The following NPIPB11 variants were observed in gnomAD, a reference collection of about 807,000 sequenced individuals.
The protein encoded by NPIPB11 is nuclear pore complex interacting protein family member B11, also known as nuclear pore complex-interacting protein family member B11.
A neutral mutation model predicts 32.8 loss-of-function variants in NPIPB11; 17 were observed. The ratio of observed to expected loss-of-function variants is 0.52; its 90% CI spans 0.35 to 0.78. NPIPB11 has a LOEUF of 0.78. NPIPB11 is among the 30% of genes least tolerant of loss of function. The pLI is 0.01. For synonymous variants in NPIPB11, 209 were observed against 398.4 expected (o/e 0.52, Z 5.66); for missense variants, 537 against 1,000.4 (o/e 0.54, Z 6.25).
chr16:29,397,434 C>T (rs1278633103), intron 2 of NPIPB11: 90 of 958,126 alleles, frequency 9.4e-5, no homozygotes, highest in Admixed American at 1.9e-4. Flanking sequence ...TAGTCTTCAA[C>T]GCCTGGACTC....
chr16:29,391,621 T>A (rs1263720123), intron 3 of NPIPB11, among the ~76,000 whole-genome samples: 3 of 152,030 alleles, frequency 2.0e-5, no homozygotes, highest in African/African-American at 7.3e-5. Flanking sequence ...ATGCTTTTAA[T>A]CTTCTAAGAC....
intron 2 of NPIPB11, among the ~76,000 whole-genome samples, chr16:29,401,828 G>T (rs911638234): frequency 6.6e-6 from 1 of 152,068 alleles, no homozygotes. Context: ...CAGGATGAGG[G>T]CATGTGGGGC....
intron 2 of NPIPB11, among the ~76,000 whole-genome samples, chr16:29,401,404 C>G (rs1421587371): frequency 6.6e-6 from 1 of 152,090 alleles, no homozygotes; most frequent in Admixed American, 6.6e-5. Flanking sequence ...CTGATTACAT[C>G]TGACCAAACT....
rs1469956787 is a variant in NPIPB11, at chr16:29,391,583, C to T, written c.250-1235G>A. Among the ~76,000 whole-genome samples the T allele has an allele frequency of 8.6e-5, 13 of 151,294 alleles. No individual in the cohort carries two copies. The Admixed American group carries it at 8.6e-4, about 10-fold the overall frequency. ...AAACATTCTCACTAATGACTGAATT[C>T]CCACCAAGATTTCCATATTATCACA... On this transcript the variant is annotated intron_variant, in intron 3 of 7. Transcript: ENST00000524087.
At chr16:29,399,134 CA>C (rs1963928616) in intron 2 of NPIPB11, among the ~76,000 whole-genome samples, 1 of 151,718 alleles carries the variant, frequency 6.6e-6, no homozygotes, top group African/African-American at 2.4e-5. Context: ...GGGCAGGACC[CA>C]GGGGTCTGGT....
intron 3 of NPIPB11, 87 bp downstream of exon 3, chr16:29,393,861 A>G: frequency 8.0e-7 from 1 of 1,246,538 alleles, no homozygotes; most frequent in Non-Finnish European, 1.1e-6. Context: ...CATATTCATA[A>G]TGAAGTCCAG....
At chr16:29,394,255 G>A (rs951981805) in intron 2 of NPIPB11, among the ~76,000 whole-genome samples, 179 bp from the exon 3 acceptor site, 38 of 152,046 alleles carry the variant, frequency 2.5e-4, no homozygotes, top group Non-Finnish European at 4.7e-4. Flanking sequence ...ATGTTTTTCA[G>A]ATGGCTGGTA....
rs552417852 is a variant in NPIPB11, at chr16:29,389,226, G to A, written c.545+715C>T. 1.8e-4 allele frequency among the ~76,000 whole-genome samples: 8 copies of A among 44,376 alleles called. No individual in the cohort carries two copies. The South Asian group carries it at 4.2e-3, about 23-fold the overall frequency. 29.1% of individuals were successfully genotyped at this position (44,376 alleles called of 152,430 possible). A position where few individuals can be genotyped will look rare whatever the true frequency, so the allele number is the denominator to read the frequency against. ...AAAAAAAAAAAAAAATTGGTCAAAT[G>A]TGGTGGCACACAGCTGTAATCCAAG... On this transcript the variant is annotated intron_variant, in intron 5 of 7. Coordinates refer to ENST00000524087, the Ensembl canonical transcript of NPIPB11.
chr16:29,390,261 G>A (rs572030893), exon 4 of NPIPB11: 106 of 1,587,584 alleles, frequency 6.7e-5, no homozygotes, highest in African/African-American at 6.5e-4. Flanking sequence ...TCCTGTCTAC[G>A]GCGGTTGGAC....
At chr16:29,382,345 G>A in exon 8 of NPIPB11, 1 of 571,714 alleles carries the variant, frequency 1.7e-6, no homozygotes, top group South Asian at 2.0e-5. Context: ...AGCTGAGGGT[G>A]GAAGGGGAGT....
intron 2 of NPIPB11, among the ~76,000 whole-genome samples, chr16:29,399,981 G>A (rs1203757346): frequency 6.6e-6 from 1 of 151,908 alleles, no homozygotes. Flanking sequence ...GGAGACTGAG[G>A]CAGGACAATC....
At chr16:29,394,001 C>T in exon 3 of NPIPB11, 1 of 1,599,444 alleles carries the variant, frequency 6.3e-7, no homozygotes, top group Non-Finnish European at 8.5e-7. Context: ...GTCGGAAACG[C>T]AATAATAATA....
upstream of NPIPB11, among the ~76,000 whole-genome samples, chr16:29,405,489 C>T (rs531640188): frequency 1.6e-4 from 24 of 152,246 alleles, no homozygotes; most frequent in Middle Eastern, 3.4e-3. Flanking sequence ...GTGTTAGTCA[C>T]GGTGCAGTCA....
intron 2 of NPIPB11, among the ~76,000 whole-genome samples, chr16:29,394,558 C>G (rs1963804454): frequency 6.6e-6 from 1 of 151,602 alleles, no homozygotes; most frequent in South Asian, 2.1e-4. Context: ...CCTCAGCCTC[C>G]CGAGTAGCTG....
chr16:29,406,581 G>A (rs1168882269), upstream of NPIPB11, among the ~76,000 whole-genome samples: 7 of 152,286 alleles, frequency 4.6e-5, no homozygotes, highest in Admixed American at 3.9e-4. Context: ...ATGCCTGGTG[G>A]CACATGCCTG....
At chr16:29,389,367 TAAA>T (rs1175211779) in intron 5 of NPIPB11, among the ~76,000 whole-genome samples, 25,331 of 57,562 alleles carry the variant, frequency 0.44, 4,320 homozygotes, top group Middle Eastern at 0.5. Context: ...ATCTCAAAAT[TAAA>T]AAAAAAAAAA....
intron 2 of NPIPB11, chr16:29,397,569 C>G (rs979639452): frequency 5.1e-5 from 77 of 1,523,766 alleles, no homozygotes; most frequent in African/African-American, 9.7e-5. Context: ...TCTACTCACA[C>G]GGATGCACTG....
intron 2 of NPIPB11, among the ~76,000 whole-genome samples, chr16:29,402,667 C>A (rs1964018961): frequency 1.3e-5 from 2 of 148,904 alleles, no homozygotes; most frequent in East Asian, 4.0e-4. Flanking sequence ...TGTGCCACTG[C>A]ACTCCAGCCT....
chr16:29,389,009 A>G (rs1417228787), intron 5 of NPIPB11, among the ~76,000 whole-genome samples: 2 of 148,428 alleles, frequency 1.3e-5, no homozygotes, highest in Non-Finnish European at 3.0e-5. Flanking sequence ...AGCTTGGCCA[A>G]TATGGTGAAA....
Sources: gnomAD v4.1 joint callset for allele counts (sites outside exome capture counted in the v4.1 genomes callset) on GRCh38, gnomAD v4.1.1 for gene constraint, MANE v1.5 for transcripts, NCBI Gene and HGNC (gene_info 2026-07-23, HGNC 2026-07-21) for gene names.